Variants in PSEN1 observed in about 807,000 individuals in gnomAD.
The protein encoded by PSEN1 is presenilin-1.
A neutral mutation model predicts 53.5 loss-of-function variants in PSEN1; 15 were observed. The ratio of observed to expected loss-of-function variants is 0.28; its 90% CI spans 0.19 to 0.43. PSEN1 has a LOEUF of 0.43. Ranked by LOEUF, PSEN1 falls within the 20% of genes least tolerant of loss-of-function variation. The probability of loss-of-function intolerance (pLI) is 1.00; values close to 1 mark genes in which losing one functional copy is unlikely to be tolerated. For missense variants in PSEN1, 387 were observed against 571.2 expected (o/e 0.68, Z 3.29); for synonymous variants, 208 against 209.8 (o/e 0.99, Z 0.08).
rs1898067067 is a variant in PSEN1 at position 73,177,043 on chromosome 14, T to C, written c.480+3336T>C. The stretch of plus-strand genomic sequence containing the variant: ...CTGGACCTTATTGCCATTTGACTTA[T>C]TTATTGCCTCCCACTTGACACTGAT... On this transcript the variant is annotated intron_variant, in intron 5 of 11. Coordinates refer to ENST00000324501, the MANE Select transcript of PSEN1 (RefSeq NM_000021.4). Among the ~76,000 whole-genome samples, 3 of 152,210 alleles carry C rather than the reference T, an allele frequency of 2.0e-5. 1 individual carries two copies. In the South Asian group the frequency reaches 6.2e-4, roughly 32 times the overall value.
At chr14:73,203,347 C>A (rs1051232028) in intron 8 of PSEN1, among the ~76,000 whole-genome samples, 7 of 152,168 alleles carry the variant, frequency 4.6e-5, no homozygotes, top group African/African-American at 1.7e-4. Context: ...CTCACCCTCC[C>A]AAAGTGCTGG....
intron 5 of PSEN1, among the ~76,000 whole-genome samples, chr14:73,179,110 T>A (rs771581579): frequency 3.9e-5 from 6 of 152,230 alleles, no homozygotes; most frequent in Non-Finnish European, 7.3e-5. Flanking sequence ...TTTCCATTCC[T>A]GCAGCCAAAA....
intron 3 of PSEN1, among the ~76,000 whole-genome samples, chr14:73,148,902 C>A (rs214274): frequency 1.3e-5 from 2 of 151,950 alleles, no homozygotes; most frequent in African/African-American, 2.4e-5. Flanking sequence ...CATTGCACTC[C>A]AGCCTGGGCG....
At chr14:73,164,176 C>T (rs1897638551) in intron 3 of PSEN1, among the ~76,000 whole-genome samples, 1 of 152,060 alleles carries the variant, frequency 6.6e-6, no homozygotes, top group Non-Finnish European at 1.5e-5. Context: ...TTCCTAGATT[C>T]GGGACTTCCT....
intron 10 of PSEN1, among the ~76,000 whole-genome samples, chr14:73,216,159 A>G (rs1423129027): frequency 2.0e-5 from 3 of 152,224 alleles, no homozygotes; most frequent in Admixed American, 2.0e-4. Flanking sequence ...TTAAACCTCA[A>G]AAACATTATA....
chr14:73,150,800 T>G (rs1218057730), intron 3 of PSEN1, among the ~76,000 whole-genome samples: 2 of 128,420 alleles, frequency 1.6e-5, no homozygotes, highest in Non-Finnish European at 3.2e-5. Flanking sequence ...CCAGGTGCGG[T>G]GGCTCACGCC....
At chr14:73,197,108 AT>A (rs1432507977) in intron 7 of PSEN1, among the ~76,000 whole-genome samples, 1 of 151,502 alleles carries the variant, frequency 6.6e-6, no homozygotes, top group Admixed American at 6.6e-5. Flanking sequence ...AATTTTTTGT[AT>A]TTTTTAGTAG....
chr14:73,171,485 C>T (rs779466339), intron 4 of PSEN1, among the ~76,000 whole-genome samples: 1 of 152,130 alleles, frequency 6.6e-6, no homozygotes, highest in African/African-American at 2.4e-5. Flanking sequence ...TAATTCTCAG[C>T]AAGGCAAGTT....
chr14:73,157,584 C>A (rs1897396446), intron 3 of PSEN1, among the ~76,000 whole-genome samples: 1 of 152,140 alleles, frequency 6.6e-6, no homozygotes, highest in Non-Finnish European at 1.5e-5. Context: ...ATGTCCATTA[C>A]CTCCAGAAGT....
At chr14:73,165,469 G>C (rs1167331249) in intron 3 of PSEN1, among the ~76,000 whole-genome samples, 1 of 152,022 alleles carries the variant, frequency 6.6e-6, no homozygotes, top group Non-Finnish European at 1.5e-5. Flanking sequence ...GTCTGGGCTG[G>C]GCGCAGTGGC....
In PSEN1 at chr14:73,152,780, C is replaced by T. The variant is rs138973092; in HGVS notation, c.87+4674C>T. Among the ~76,000 whole-genome samples the T allele has an allele frequency of 8.6e-4, 131 of 152,246 alleles. 2 individuals are homozygous for T. In the East Asian group the frequency reaches 0.023, roughly 26 times the overall value. ...AATATTCGCTGGGCATGGTGGCTCA[C>T]GCCTGTAATCCCAGCACTTTGGGAG... On this transcript the variant is annotated intron_variant, in intron 3 of 11. Coordinates refer to ENST00000324501, the MANE Select transcript of PSEN1 (RefSeq NM_000021.4).
At chr14:73,171,497 C>T (rs1897888966) in intron 4 of PSEN1, among the ~76,000 whole-genome samples, 1 of 152,166 alleles carries the variant, frequency 6.6e-6, no homozygotes, top group Non-Finnish European at 1.5e-5. Context: ...AGGCAAGTTA[C>T]TTCTATATAG....
chr14:73,153,709 C>T (rs936385961), intron 3 of PSEN1, among the ~76,000 whole-genome samples: 57 of 119,572 alleles, frequency 4.8e-4, no homozygotes, highest in Middle Eastern at 4.2e-3. Context: ...AATACATTTT[C>T]TTTCCTTTTT....
chr14:73,140,045 A>G (rs1408109217), intron 1 of PSEN1, among the ~76,000 whole-genome samples: 2 of 152,296 alleles, frequency 1.3e-5, no homozygotes, highest in East Asian at 3.9e-4. Flanking sequence ...ATTTTAGACA[A>G]TGATTTTGAA....
At chr14:73,215,904 C>A (rs1007472205) in intron 10 of PSEN1, among the ~76,000 whole-genome samples, 1 of 152,104 alleles carries the variant, frequency 6.6e-6, no homozygotes, top group Non-Finnish European at 1.5e-5. Flanking sequence ...TATTAAAAAG[C>A]TAAAAACCTA....
chr14:73,151,662 G>A (rs543113110), intron 3 of PSEN1, among the ~76,000 whole-genome samples: 4 of 151,758 alleles, frequency 2.6e-5, no homozygotes, highest in African/African-American at 9.7e-5. Flanking sequence ...GACCAGGGTG[G>A]TCTCAAGTGA....
intron 4 of PSEN1, 39 bp from the exon 5 acceptor site, chr14:73,173,527 T>C (rs1566630718): frequency 6.2e-7 from 1 of 1,607,834 alleles, no homozygotes; most frequent in Non-Finnish European, 8.5e-7. Flanking sequence ...TGATCTCCAT[T>C]AACACTGACC....
chr14:73,165,543 C>T (rs965115101), intron 3 of PSEN1, among the ~76,000 whole-genome samples: 2 of 149,062 alleles, frequency 1.3e-5, no homozygotes, highest in East Asian at 2.0e-4. Flanking sequence ...GTCAGGAGTT[C>T]GAGACCAGCC....
intron 10 of PSEN1, among the ~76,000 whole-genome samples, chr14:73,215,119 C>G (rs1316250198): frequency 2.6e-5 from 4 of 151,954 alleles, no homozygotes; most frequent in Non-Finnish European, 4.4e-5. Context: ...CATCACCATA[C>G]CCGGCTAATT....
Sources: gnomAD v4.1 joint callset for allele counts (sites outside exome capture counted in the v4.1 genomes callset) on GRCh38, gnomAD v4.1.1 for gene constraint, MANE v1.5 for transcripts, NCBI Gene and HGNC (gene_info 2026-07-23, HGNC 2026-07-21) for gene names.